Variants in ITPR1 observed in about 807,000 individuals in gnomAD.
ITPR1 encodes inositol 1,4,5-trisphosphate receptor type 1, also known as inositol 1,4,5-trisphosphate-gated calcium channel ITPR1.
Under a neutral mutation model 318.4 loss-of-function variants are expected in ITPR1, and 96 were observed. The observed-to-expected ratio is 0.30, with a 90% CI of 0.26 to 0.36. The LOEUF (loss-of-function observed/expected upper bound fraction) is 0.36, where lower values mean the gene tolerates loss of function less well. Among genes scored for constraint, ITPR1 ranks in the 10% least tolerant of loss-of-function variants. ITPR1 has a pLI of 1.00. For missense variants in ITPR1, 2,440 were observed against 3,460.2 expected (o/e 0.71, Z 7.40); for synonymous variants, 1,312 against 1,289.9 (o/e 1.02, Z -0.37).
chr3:4,639,344 G>C, intron 5 of ITPR1, 40 bp from the exon 6 acceptor site: 1 of 1,448,184 alleles, frequency 6.9e-7, no homozygotes, highest in East Asian at 2.5e-5. Flanking sequence ...TAGAACACAT[G>C]GTTTCCTCTT....
intron 52 of ITPR1, among the ~76,000 whole-genome samples, chr3:4,789,234 A>G (rs112950831): frequency 6.6e-5 from 10 of 152,306 alleles, no homozygotes; most frequent in South Asian, 2.1e-4. Context: ...CTCCATGTCT[A>G]GTGTCTGACC....
intron 4 of ITPR1, among the ~76,000 whole-genome samples, chr3:4,615,353 C>T (rs929124337): frequency 6.6e-6 from 1 of 151,132 alleles, no homozygotes; most frequent in Non-Finnish European, 1.5e-5. Flanking sequence ...AGAGGACTTG[C>T]CTTTCCAACT....
chr3:4,787,987 C>A lies in ITPR1; in HGVS notation c.6656C>A (p.Pro2219His). The A allele has an allele frequency of 6.2e-7, 1 of 1,612,622 alleles. No homozygotes were observed. Among genetic ancestry groups the A allele is most frequent in the Non-Finnish European group, 8.5e-7 (1 of 1,179,172 alleles). ...CGAACAATGGAACAGATAGTCTTTCCCGTGCCCAGCATATGTGAATTCCTA... is the reference window on the plus strand; with the variant it reads ...CGAACAATGGAACAGATAGTCTTTCACGTGCCCAGCATATGTGAATTCCTA... ...LDRTMEQIVF[P>H]VPSICEFLTK... The change falls in exon 52 of 62, where the codon CCC becomes CAC. Residue 2219 changes from proline to histidine, a missense_variant. Pro to His is a moderately conservative substitution (Grantham distance 77). This residue lies in a region of ITPR1 where 115 missense variants were observed against 204.5 expected (regional missense o/e 0.56). Coordinates refer to ENST00000649015, the MANE Select transcript of ITPR1 (RefSeq NM_001378452.1).
At chr3:4,745,051 TTCCTTTCTCTTTCTG>T (rs1192396151) in intron 44 of ITPR1, among the ~76,000 whole-genome samples, 1 of 1,514 alleles carries the variant, frequency 6.6e-4, no homozygotes, top group Non-Finnish European at 2.5e-3. Context: ...TCTCTTTCTT[TTCCTTTCTCTTTCTG>T]TGTTTTCTTT....
At chr3:4,773,404 G>T (rs2046307130) in intron 46 of ITPR1, among the ~76,000 whole-genome samples, 1 of 152,182 alleles carries the variant, frequency 6.6e-6, no homozygotes, top group Non-Finnish European at 1.5e-5. Context: ...TGAGAGACAG[G>T]TGTTATAAGA....
chr3:4,788,685 G>C (rs2047358658), intron 52 of ITPR1, among the ~76,000 whole-genome samples: 1 of 152,204 alleles, frequency 6.6e-6, no homozygotes, highest in South Asian at 2.1e-4. Context: ...GAAATTACTT[G>C]TCTGAAACAC....
chr3:4,724,272 T>C (rs569209101), intron 40 of ITPR1: 1 of 152,360 alleles, frequency 6.6e-6, no homozygotes, highest in Non-Finnish European at 1.5e-5. Context: ...ATTTTCTCTG[T>C]TGGGAAATAG....
intron 13 of ITPR1, among the ~76,000 whole-genome samples, chr3:4,660,348 G>C (rs1379747654): frequency 2.0e-5 from 3 of 151,548 alleles, no homozygotes; most frequent in Admixed American, 2.0e-4. Flanking sequence ...TTTGTGTGTA[G>C]AGTAATAACC....
At chr3:4,735,934 C>T (rs1027624203) in intron 44 of ITPR1, among the ~76,000 whole-genome samples, 3 of 152,146 alleles carry the variant, frequency 2.0e-5, no homozygotes, top group African/African-American at 7.2e-5. Flanking sequence ...ATATTTAAAA[C>T]TAATAATAAA....
chr3:4,494,015 G>T (rs1381859019), intron 1 of ITPR1, among the ~76,000 whole-genome samples: 1 of 152,056 alleles, frequency 6.6e-6, no homozygotes, highest in Non-Finnish European at 1.5e-5. Context: ...CATGTGTAGG[G>T]GCCCCCCGTG....
At chr3:4,655,562 C>T (rs1246195859) in intron 12 of ITPR1, among the ~76,000 whole-genome samples, 1 of 152,152 alleles carries the variant, frequency 6.6e-6, no homozygotes, top group Non-Finnish European at 1.5e-5. Context: ...TTGCGTCCAC[C>T]AGGTTGTCTG....
At chr3:4,715,138 A>G (rs767434148) in intron 39 of ITPR1, among the ~76,000 whole-genome samples, 1 of 152,216 alleles carries the variant, frequency 6.6e-6, no homozygotes, top group African/African-American at 2.4e-5. Flanking sequence ...CCGGGGTTAC[A>G]TAGTTAATTA....
At chr3:4,499,412 A>G (rs531260320) in intron 2 of ITPR1, among the ~76,000 whole-genome samples, 51 of 152,126 alleles carry the variant, frequency 3.4e-4, no homozygotes, top group Admixed American at 1.0e-3. Flanking sequence ...TCTGTGTCTC[A>G]TTTTTCTAAA....
In ITPR1 at chr3:4,783,670, G is replaced by A. The variant is rs1242859301; in HGVS notation, c.6511-146G>A. The A allele has an allele frequency of 2.5e-5, 17 of 685,398 alleles. No homozygotes were observed. The East Asian group carries it at 4.1e-4, about 16-fold the overall frequency. 42.5% of individuals were successfully genotyped at this position (685,398 alleles called of 1,614,324 possible). On this transcript the variant is annotated intron_variant, in intron 50 of 61. Transcript: ENST00000649015. Reference sequence around the variant, plus strand: ...GCGCCTGTGCACAGCACGCCGTGATGGGATGGAGCAAGCCTCGTGGCACCT... The same window carrying A: ...GCGCCTGTGCACAGCACGCCGTGATAGGATGGAGCAAGCCTCGTGGCACCT...
chr3:4,645,407 T>C lies in ITPR1; in HGVS notation c.645T>C (p.Asn215=), dbSNP rs372005596. ...GCNEVNSVNC[N]TSWKIVLFMK... ...TTCAGGTCAATTCCGTCAACTGCAA[T>C]ACAAGCTGGAAAATAGTCCTTTTCA... The change falls in exon 9 of 62, where the codon AAT becomes AAC. Residue 215 remains asparagine (N), a synonymous_variant. Transcript: ENST00000649015. 4 of 1,612,994 alleles carry C rather than the reference T, an allele frequency of 2.5e-6. No homozygotes were observed. The Admixed American group carries it at 5.0e-5, about 20-fold the overall frequency.
chr3:4,550,160 G>T (rs777187078), intron 4 of ITPR1, among the ~76,000 whole-genome samples: 19 of 152,072 alleles, frequency 1.2e-4, no homozygotes, highest in Admixed American at 2.0e-4. Context: ...AGCTATTCTC[G>T]GTGGGGTTAA....
At chr3:4,539,568 G>T (rs1289224191) in intron 4 of ITPR1, among the ~76,000 whole-genome samples, 4 of 152,162 alleles carry the variant, frequency 2.6e-5, no homozygotes, top group African/African-American at 7.2e-5. Context: ...AAAACTCATA[G>T]AACTGTATAC....
chr3:4,658,043 T>C lies in ITPR1; in HGVS notation c.997-81T>C, dbSNP rs2306871. On this transcript the variant is annotated intron_variant, in intron 12 of 61. Transcript: ENST00000649015. ...GACATTCACGATCCTTTCTTCTCCG[T>C]TCCTGTGGATTGTGGAATAATTGTA... 47,637 of 1,344,790 alleles carry C rather than the reference T, an allele frequency of 0.035. 3,780 individuals carry two copies. Among genetic ancestry groups the C allele is most frequent in the African/African-American group, 0.29 (19,685 of 67,408 alleles). The allele number at this position is 1,344,790 out of a possible 1,614,324, so 83.3% of individuals were successfully genotyped here.
chr3:4,683,818 T>G lies in ITPR1; in HGVS notation c.3498+20T>G. ...ACGGAGGTGAGTGAAACACAAGTTA[T>G]GCTGCCAAAGTGGATGGATGGGCTT... On this transcript the variant is annotated intron_variant, in intron 28 of 61. Coordinates refer to ENST00000649015, the MANE Select transcript of ITPR1 (RefSeq NM_001378452.1). The G allele has an allele frequency of 1.2e-6, 2 of 1,608,470 alleles. No individual in the cohort carries two copies. The highest frequency in any genetic ancestry group is 1.7e-6 in the Non-Finnish European group (2 of 1,176,334).
Sources: gnomAD v4.1 joint callset for allele counts (sites outside exome capture counted in the v4.1 genomes callset) on GRCh38, gnomAD v4.1.1 for gene constraint, gnomAD v4.1.1 regional missense constraint, MANE v1.5 for transcripts, NCBI Gene and HGNC (gene_info 2026-07-23, HGNC 2026-07-21) for gene names.